CASD1: variants seen among roughly 807,000 people sequenced by gnomAD.
CASD1 encodes the protein N-acetylneuraminate (7)9-O-acetyltransferase.
Under a neutral mutation model 100.0 loss-of-function variants are expected in CASD1, and 41 were observed. The observed-to-expected ratio is 0.41, with a 90% CI of 0.32 to 0.53. The LOEUF (loss-of-function observed/expected upper bound fraction) is 0.53, where lower values mean the gene tolerates loss of function less well. Among genes scored for constraint, CASD1 ranks in the 20% least tolerant of loss-of-function variants. CASD1 has a pLI of 0.25. For missense variants in CASD1, 774 were observed against 948.7 expected (o/e 0.82, Z 2.42); for synonymous variants, 321 against 315.6 (o/e 1.02, Z -0.18).
At chr7:94,552,453 C>A in intron 16 of CASD1, 26 bp downstream of exon 16, 2 of 1,527,810 alleles carry the variant, frequency 1.3e-6, no homozygotes, top group Non-Finnish European at 1.8e-6. Context: ...AGAGAAATTT[C>A]TACATCTTAA....
intron 17 of CASD1, 77 bp from the exon 18 acceptor site, chr7:94,555,415 A>G (rs1392215066): frequency 1.4e-5 from 20 of 1,403,308 alleles, no homozygotes; most frequent in Non-Finnish European, 1.9e-5. Flanking sequence ...ATGCAACCAA[A>G]TTGTTTAAAT....
the CASD1 span, chr7:94,584,951 G>A: frequency 6.5e-6 from 1 of 152,716 alleles, no homozygotes; most frequent in African/African-American, 2.4e-5. Context: ...TGCATGAATT[G>A]GGTGTCATCA....
chr7:94,629,461 A>C, the CASD1 span: 1 of 391,620 alleles, frequency 2.6e-6, no homozygotes, highest in Non-Finnish European at 4.8e-6. Flanking sequence ...ATGTGAATAT[A>C]GGTAGATCAC....
chr7:94,633,932 T>G, the CASD1 span, among the ~76,000 whole-genome samples: 1 of 152,196 alleles, frequency 6.6e-6, no homozygotes, highest in Non-Finnish European at 1.5e-5. Context: ...CACTTGCCAG[T>G]TCTTTTTCTG....
chr7:94,567,734 T>C, the CASD1 span, among the ~76,000 whole-genome samples: 1 of 152,168 alleles, frequency 6.6e-6, no homozygotes, highest in Non-Finnish European at 1.5e-5. Context: ...TATTTTTGAA[T>C]AGGGAATAAA....
At chr7:94,527,465 C>A (rs1794632365) in intron 4 of CASD1, among the ~76,000 whole-genome samples, 2 of 152,086 alleles carry the variant, frequency 1.3e-5, no homozygotes, top group Non-Finnish European at 2.9e-5. Context: ...TTTCTGAATT[C>A]CCAATCAGTG....
the CASD1 span, chr7:94,618,685 T>G: frequency 7.9e-7 from 1 of 1,273,542 alleles, no homozygotes; most frequent in Non-Finnish European, 1.1e-6. Flanking sequence ...CCATCTTCCA[T>G]CTATAATAAG....
chr7:94,541,724 T>C (rs1346914639), intron 10 of CASD1, among the ~76,000 whole-genome samples: 1 of 151,952 alleles, frequency 6.6e-6, no homozygotes, highest in Non-Finnish European at 1.5e-5. Flanking sequence ...ACTAAACTTT[T>C]GTTGTAGGTA....
chr7:94,564,918 T>C, the CASD1 span, among the ~76,000 whole-genome samples: 2 of 152,104 alleles, frequency 1.3e-5, no homozygotes, highest in Non-Finnish European at 1.5e-5. Context: ...GCTAACTCTT[T>C]AGGTAATGGG....
At chr7:94,515,307 A>G (rs1305822283) in intron 1 of CASD1, among the ~76,000 whole-genome samples, 1 of 152,122 alleles carries the variant, frequency 6.6e-6, no homozygotes, top group African/African-American at 2.4e-5. Context: ...ATCAACTAGC[A>G]TTCATTAGCA....
the CASD1 span, among the ~76,000 whole-genome samples, chr7:94,605,688 TAAAAG>T: frequency 4.0e-5 from 6 of 151,894 alleles, no homozygotes; most frequent in East Asian, 1.9e-4. Flanking sequence ...ACTGATGTGT[TAAAAG>T]AGGAGAGAAA....
At chr7:94,559,431 A>T (rs879783853), downstream of CASD1, among the ~76,000 whole-genome samples, 4 of 152,044 alleles carry the variant, frequency 2.6e-5, no homozygotes, top group Admixed American at 2.6e-4. Context: ...AAATGGAATA[A>T]AATACCCTTT....
At chr7:94,558,860 C>T (rs151267070), downstream of CASD1, among the ~76,000 whole-genome samples, 37 of 152,058 alleles carry the variant, frequency 2.4e-4, no homozygotes, top group East Asian at 5.4e-3. Flanking sequence ...AGTGCAGTGG[C>T]GTGATCTTGG....
the CASD1 span, among the ~76,000 whole-genome samples, chr7:94,569,496 C>T: frequency 6.6e-6 from 1 of 152,254 alleles, no homozygotes; most frequent in Non-Finnish European, 1.5e-5. Context: ...ACTCTGTCAC[C>T]CAGGCTGGAG....
chr7:94,558,305 T>C (rs1796274665), downstream of CASD1, among the ~76,000 whole-genome samples: 1 of 152,190 alleles, frequency 6.6e-6, no homozygotes, highest in Non-Finnish European at 1.5e-5. Context: ...ATTGATATCA[T>C]AAACTGGATG....
the CASD1 span, chr7:94,629,572 AAATGAG>A: frequency 1.3e-6 from 1 of 757,852 alleles, no homozygotes; most frequent in Non-Finnish European, 2.2e-6. Context: ...TCTAATCTGT[AAATGAG>A]AAATATCCTA....
rs759528294 is a variant in CASD1 at position 94,533,185 on chromosome 7, A to G, written c.460-20A>G. 4.4e-6 allele frequency: 7 copies of G among 1,590,856 alleles called. No homozygotes were observed. Among genetic ancestry groups the G allele is most frequent in the Non-Finnish European group, 6.0e-6 (7 of 1,161,892 alleles). On this transcript the variant is annotated intron_variant, in intron 5 of 17. Transcript: ENST00000297273. ...CCTGAACTGATTATAATACTATGATAAAGATTTGTCTTCCTTTAGGATTCC... is the reference window on the plus strand; with the variant it reads ...CCTGAACTGATTATAATACTATGATGAAGATTTGTCTTCCTTTAGGATTCC...
At chr7:94,534,248 C>T (rs1487607416) in intron 7 of CASD1, among the ~76,000 whole-genome samples, 1 of 149,276 alleles carries the variant, frequency 6.7e-6, no homozygotes, top group East Asian at 2.0e-4. Context: ...CTCACTGCAA[C>T]CTCCGCCTCC....
chr7:94,595,539 A>G, the CASD1 span, among the ~76,000 whole-genome samples: 20,429 of 152,016 alleles, frequency 0.13, 1,536 homozygotes, highest in South Asian at 0.24. Flanking sequence ...TAAGTACAAG[A>G]CAGCATTATC....
Sources: gnomAD v4.1 joint callset for allele counts (sites outside exome capture counted in the v4.1 genomes callset) on GRCh38, gnomAD v4.1.1 for gene constraint, MANE v1.5 for transcripts, NCBI Gene and HGNC (gene_info 2026-07-23, HGNC 2026-07-21) for gene names.